SWT1: variants seen among roughly 807,000 people sequenced by gnomAD.
SWT1 encodes the protein transcriptional protein SWT1.
SWT1 carries 33 observed loss-of-function variants against 107.3 expected under a neutral mutation model. The observed-to-expected ratio is 0.31, with a 90% CI of 0.23 to 0.41. SWT1 has a LOEUF of 0.41. SWT1 is among the 10% of genes least tolerant of loss of function. The pLI is 1.00. For synonymous variants in SWT1, 345 were observed against 348.3 expected, an observed-to-expected ratio of 0.99 and a Z score of 0.11; for missense variants, 898 against 1,028.9, an observed-to-expected ratio of 0.87 and a Z score of 1.74.
intron 17 of SWT1, 129 bp from the exon 18 acceptor site, chr1:185,276,475 G>T: frequency 2.1e-6 from 1 of 483,550 alleles, no homozygotes; most frequent in Non-Finnish European, 3.8e-6. Context: ...TCTTATTGTT[G>T]CTGTTTAATC....
intron 4 of SWT1, among the ~76,000 whole-genome samples, chr1:185,173,880 A>C (rs1049746049): frequency 6.6e-6 from 1 of 152,072 alleles, no homozygotes; most frequent in African/African-American, 2.4e-5. Flanking sequence ...TTAGCTAGGC[A>C]TTGTGGCATG....
intron 10 of SWT1, among the ~76,000 whole-genome samples, chr1:185,193,058 T>TAGAG (rs1189721157): frequency 6.6e-6 from 1 of 152,164 alleles, no homozygotes; most frequent in Non-Finnish European, 1.5e-5. Flanking sequence ...CTTCTGCAGT[T>TAGAG]GTATCCCACA....
rs190119106 is a variant in SWT1 at position 185,222,067 on chromosome 1, T to C, written c.2309+31T>C. On this transcript the variant is annotated intron_variant, in intron 15 of 18. Coordinates refer to ENST00000367500, the MANE Select transcript of SWT1 (RefSeq NM_017673.7). ...AAATTTGGGGGAATTTTTTTTTAGTTATTTTTTAAATTGACATTATAATTG... is the reference window on the plus strand; with the variant it reads ...AAATTTGGGGGAATTTTTTTTTAGTCATTTTTTAAATTGACATTATAATTG... 5.8e-5 allele frequency: 81 copies of C among 1,392,928 alleles called. No homozygotes were observed. In the African/African-American group the frequency reaches 1.1e-3, roughly 19 times the overall value. The allele number at this position is 1,392,928 out of a possible 1,614,324, so 86.3% of individuals were successfully genotyped here.
At chr1:185,178,337 T>C (rs149340222) in intron 5 of SWT1, among the ~76,000 whole-genome samples, 286 of 152,234 alleles carry the variant, frequency 1.9e-3, no homozygotes, top group African/African-American at 6.6e-3. Flanking sequence ...AGCCAGGGTC[T>C]CTAGACAATG....
At chr1:185,190,758 G>T (rs1656882451) in intron 10 of SWT1, 116 bp downstream of exon 10, 1 of 599,036 alleles carries the variant, frequency 1.7e-6, no homozygotes, top group Non-Finnish European at 2.9e-6. Context: ...TTCCAAATCT[G>T]CCAGTAAGCA....
chr1:185,215,060 G>T (rs1659109602), intron 14 of SWT1, among the ~76,000 whole-genome samples: 1 of 152,256 alleles, frequency 6.6e-6, no homozygotes, highest in East Asian at 1.9e-4. Flanking sequence ...GTGTTACTTG[G>T]TAATGTTGTT....
At position 185,291,526 on chromosome 1, in the gene SWT1, G is replaced by C. The variant is rs1334464470; in HGVS notation, c.*723G>C. 6.6e-6 allele frequency: 1 copy of C among 152,562 alleles called. No homozygotes were observed. The highest frequency in any genetic ancestry group is 1.5e-5 in the Non-Finnish European group (1 of 68,032). 9.5% of individuals were successfully genotyped at this position (152,562 alleles called of 1,614,324 possible). ...TGGCAGTGACTGATGTTTGTCTCTA[G>C]CTAAAACCAACTGTTTAGTTGACTT... On this transcript the variant is annotated 3_prime_UTR_variant, in exon 19 of 19. Coordinates refer to ENST00000367500, the MANE Select transcript of SWT1 (RefSeq NM_017673.7).
chr1:185,178,044 A>G (rs1007981567), intron 5 of SWT1, among the ~76,000 whole-genome samples: 2 of 152,224 alleles, frequency 1.3e-5, no homozygotes, highest in Admixed American at 6.5e-5. Context: ...TGATTGTACT[A>G]TAGTGAAGTA....
At chr1:185,246,048 G>A (rs7516303) in intron 16 of SWT1, among the ~76,000 whole-genome samples, 5,964 of 152,114 alleles carry the variant, frequency 0.039, 285 homozygotes, top group African/African-American at 0.096. Context: ...GATTACAGGT[G>A]TGAGCCACCG....
Position 185,214,502 on chromosome 1 carries a change from A to G in SWT1, c.1973-5A>G, listed in dbSNP as rs373099367. On this transcript the variant is annotated splice_region_variant and splice_polypyrimidine_tract_variant and intron_variant, in intron 13 of 18. Coordinates refer to ENST00000367500, the MANE Select transcript of SWT1 (RefSeq NM_017673.7). ...TATTTTTCTGTCTTAATTTTCTGTTACCAGCTAATAAGGCAGTGGATTTTA... is the reference window on the plus strand; with the variant it reads ...TATTTTTCTGTCTTAATTTTCTGTTGCCAGCTAATAAGGCAGTGGATTTTA... 1.1e-3 allele frequency: 1,797 copies of G among 1,598,872 alleles called. 1 individual carries two copies. Among genetic ancestry groups the G allele is most frequent in the Non-Finnish European group, 1.4e-3 (1,684 of 1,174,028 alleles).
chr1:185,267,820 A>G (rs1335007348), intron 16 of SWT1, among the ~76,000 whole-genome samples: 1 of 152,170 alleles, frequency 6.6e-6, no homozygotes, highest in African/African-American at 2.4e-5. Context: ...TGATTTTAGG[A>G]CTTTCATTCA....
chr1:185,171,858 G>T, intron 4 of SWT1: 1 of 331,452 alleles, frequency 3.0e-6, no homozygotes, highest in Non-Finnish European at 5.9e-6. Flanking sequence ...TGGGACTACA[G>T]GCGCATGCCA....
chr1:185,253,475 G>GTTC (rs1427403164), intron 16 of SWT1, among the ~76,000 whole-genome samples: 1 of 151,230 alleles, frequency 6.6e-6, no homozygotes, highest in Non-Finnish European at 1.5e-5. Context: ...GTGGTTTGTA[G>GTTC]TTCTCCTTGA....
intron 17 of SWT1, among the ~76,000 whole-genome samples, chr1:185,274,368 C>T (rs1475112870): frequency 1.3e-5 from 2 of 150,052 alleles, no homozygotes; most frequent in Non-Finnish European, 3.0e-5. Flanking sequence ...TCATGACCCA[C>T]TAGATCCTTG....
At chr1:185,237,423 CCAT>C (rs1432682849) in intron 16 of SWT1, among the ~76,000 whole-genome samples, 5 of 152,066 alleles carry the variant, frequency 3.3e-5, no homozygotes, top group Admixed American at 6.6e-5. Flanking sequence ...ACTCTGGAAA[CCAT>C]CATTCTCAGC....
intron 11 of SWT1, among the ~76,000 whole-genome samples, chr1:185,203,913 A>G (rs1307072358): frequency 1.3e-5 from 2 of 152,130 alleles, no homozygotes; most frequent in African/African-American, 4.8e-5. Context: ...GAATAACAGG[A>G]TATTCTAGTT....
intron 16 of SWT1, among the ~76,000 whole-genome samples, chr1:185,255,956 G>C (rs1231096843): frequency 6.6e-6 from 1 of 151,904 alleles, no homozygotes; most frequent in African/African-American, 2.4e-5. Flanking sequence ...TCCTTCAGGA[G>C]CTCTTTTAGG....
chr1:185,215,898 C>T (rs903709090), intron 14 of SWT1, among the ~76,000 whole-genome samples: 2 of 152,086 alleles, frequency 1.3e-5, no homozygotes, highest in Non-Finnish European at 2.9e-5. Flanking sequence ...GCTCAAAAAA[C>T]CTCAGTTATC....
At chr1:185,243,128 A>G (rs1661361833) in intron 16 of SWT1, among the ~76,000 whole-genome samples, 2 of 152,108 alleles carry the variant, frequency 1.3e-5, no homozygotes, top group African/African-American at 4.8e-5. Context: ...GTTTGTTTTG[A>G]AACAGGGTTT....
Sources: gnomAD v4.1 joint callset for allele counts (sites outside exome capture counted in the v4.1 genomes callset) on GRCh38, gnomAD v4.1.1 for gene constraint, MANE v1.5 for transcripts, NCBI Gene and HGNC (gene_info 2026-07-23, HGNC 2026-07-21) for gene names.